The following RINT1 variants were observed in gnomAD, a reference collection of about 807,000 sequenced individuals.
The protein encoded by RINT1 is RAD50-interacting protein 1.
In RINT1, 75 loss-of-function variants were observed where a neutral mutation model predicts 97.7. That is an observed-to-expected ratio of 0.77 (90% CI 0.64 to 0.93). The LOEUF is 0.93. RINT1 is among the 40% of genes least tolerant of loss of function. The probability of loss-of-function intolerance (pLI) is 0.00; values close to 1 mark genes in which losing one functional copy is unlikely to be tolerated. For synonymous variants in RINT1, 303 were observed against 326.3 expected (o/e 0.93, Z 0.77); for missense variants, 892 against 925.2 (o/e 0.96, Z 0.47).
intron 3 of RINT1, among the ~76,000 whole-genome samples, chr7:105,538,717 C>T (rs1411775627): frequency 2.0e-5 from 3 of 152,186 alleles, no homozygotes; most frequent in Non-Finnish European, 4.4e-5. Flanking sequence ...AAATAGAAGC[C>T]TAGCATGAAT....
chr7:105,546,828 T>G, intron 4 of RINT1, 82 bp from the exon 5 acceptor site: 1 of 975,806 alleles, frequency 1.0e-6, no homozygotes, highest in Non-Finnish European at 1.5e-6. Flanking sequence ...TTGAGCCAAA[T>G]CATGCCACTG....
At chr7:105,554,322 C>T (rs1011393422) in intron 10 of RINT1, among the ~76,000 whole-genome samples, 1 of 151,068 alleles carries the variant, frequency 6.6e-6, no homozygotes, top group Non-Finnish European at 1.5e-5. Flanking sequence ...TGTGAGCCAC[C>T]GTGCCCGGCC....
chr7:105,551,856 A>C (rs1790941730), intron 10 of RINT1, 149 bp downstream of exon 10: 3 of 536,496 alleles, frequency 5.6e-6, no homozygotes, highest in Non-Finnish European at 9.3e-6. Context: ...GCTTGAGCCC[A>C]GGAGTTCGAG....
chr7:105,542,511 A>G lies in RINT1; in HGVS notation c.377A>G (p.His126Arg), dbSNP rs1790499902. ...AATCAGTTTCTGGAGCAGGAAACTC[A>G]TCTCTTCAGCGCCATTAACAGCCAT... is the stretch of plus-strand genomic sequence containing the variant. ...FLNQFLEQET[H>R]LFSAINSHLL... Residue 126 changes from histidine to arginine, a missense_variant, in exon 4 of 15, where the codon CAT (histidine) becomes CGT (arginine). Coordinates refer to ENST00000257700, the MANE Select transcript of RINT1 (RefSeq NM_021930.6). The G allele has an allele frequency of 6.2e-7, 1 of 1,614,180 alleles. No homozygotes were observed. Among genetic ancestry groups the G allele is most frequent in the African/African-American group, 1.3e-5 (1 of 75,056 alleles).
chr7:105,564,061 T>C, intron 12 of RINT1, 114 bp downstream of exon 12: 1 of 690,314 alleles, frequency 1.4e-6, no homozygotes, highest in Non-Finnish European at 2.5e-6. Flanking sequence ...TGTACTTTAT[T>C]GTTGATGGAA....
intron 11 of RINT1, among the ~76,000 whole-genome samples, chr7:105,560,445 A>AAGAT (rs1161879374): frequency 6.6e-6 from 1 of 152,172 alleles, no homozygotes; most frequent in Non-Finnish European, 1.5e-5. Flanking sequence ...GCCATGCAAA[A>AAGAT]AGATATGGGG....
At chr7:105,550,611 TTC>T in intron 9 of RINT1, 125 bp downstream of exon 9, 1 of 680,834 alleles carries the variant, frequency 1.5e-6, no homozygotes, top group South Asian at 1.9e-5. Flanking sequence ...TTTCAGGGTT[TTC>T]TGTTTCCTTC....
At chr7:105,541,233 G>A (rs962901824) in intron 3 of RINT1, among the ~76,000 whole-genome samples, 1 of 151,202 alleles carries the variant, frequency 6.6e-6, no homozygotes, top group African/African-American at 2.4e-5. Flanking sequence ...ACCTCCTCCC[G>A]GTTCAAGTGA....
intron 11 of RINT1, among the ~76,000 whole-genome samples, chr7:105,558,189 G>C (rs559665905): frequency 6.6e-6 from 1 of 151,642 alleles, no homozygotes; most frequent in Admixed American, 6.6e-5. Flanking sequence ...CAGCTACTCA[G>C]GAGGCTGAGG....
At position 105,542,496 on chromosome 7, in the gene RINT1, T is replaced by C. The variant is rs1790498920; in HGVS notation, c.362T>C (p.Leu121Pro). The C allele has an allele frequency of 6.2e-7, 1 of 1,613,854 alleles. No homozygotes were observed. Among genetic ancestry groups the C allele is most frequent in the Non-Finnish European group, 8.5e-7 (1 of 1,179,858 alleles). The change falls in exon 4 of 15, where the codon CTG (leucine) becomes CCG (proline). Residue 121 changes from leucine (L) to proline (P), a missense_variant. Leu to Pro is a moderately conservative substitution (Grantham distance 98). Coordinates refer to ENST00000257700, the MANE Select transcript of RINT1 (RefSeq NM_021930.6). The part of the protein sequence containing the change: ...EESKQFLNQF[L>P]EQETHLFSAI... ...TCAAAGCAATTTCTTAATCAGTTTC[T>C]GGAGCAGGAAACTCATCTCTTCAGC... is the stretch of plus-strand genomic sequence containing the variant.
At chr7:105,539,001 A>G (rs1162083308) in intron 3 of RINT1, among the ~76,000 whole-genome samples, 2 of 152,216 alleles carry the variant, frequency 1.3e-5, no homozygotes, top group East Asian at 1.9e-4. Flanking sequence ...TTTAGCAGGT[A>G]TTAGTTCTTT....
chr7:105,563,948 G>T lies in RINT1; in HGVS notation c.1886+1G>T. 1.2e-6 allele frequency: 2 copies of T among 1,609,136 alleles called. No homozygotes were observed. Among genetic ancestry groups the T allele is most frequent in the African/African-American group, 1.3e-5 (1 of 74,896 alleles). ...CTGCAAAATTGTATAAAAAAGAAAG[G>T]TATGTCCTCTATGTAAGTCAGCTCT... On this transcript the variant is annotated splice_donor_variant, in intron 12 of 14. Coordinates refer to ENST00000257700, the MANE Select transcript of RINT1 (RefSeq NM_021930.6). LOFTEE classifies it high-confidence loss of function.
chr7:105,564,851 G>C (rs1305686456), intron 12 of RINT1, among the ~76,000 whole-genome samples: 1 of 151,850 alleles, frequency 6.6e-6, no homozygotes, highest in Non-Finnish European at 1.5e-5. Flanking sequence ...AAAATTCAAA[G>C]ATTAGCTGGG....
chr7:105,551,457 G>C (rs1394449542), intron 9 of RINT1, 113 bp from the exon 10 acceptor site: 2 of 880,042 alleles, frequency 2.3e-6, no homozygotes, highest in African/African-American at 3.4e-5. Context: ...GTGGGATATT[G>C]TAGGTTTGTT....
At chr7:105,564,635 G>C (rs1445542679) in intron 12 of RINT1, among the ~76,000 whole-genome samples, 1 of 152,182 alleles carries the variant, frequency 6.6e-6, no homozygotes, top group Admixed American at 6.5e-5. Flanking sequence ...CACACAGAGT[G>C]CTTAAAATTC....
intron 1 of RINT1, 41 bp downstream of exon 1, chr7:105,532,398 C>A: frequency 6.3e-7 from 1 of 1,583,010 alleles, no homozygotes; most frequent in Non-Finnish European, 8.6e-7. Flanking sequence ...ACATTGGTGG[C>A]CCATTGAGGT....
intron 12 of RINT1, 25 bp downstream of exon 12, chr7:105,563,972 C>G (rs1243513292): frequency 2.0e-6 from 3 of 1,522,598 alleles, no homozygotes; most frequent in Non-Finnish European, 2.7e-6. Context: ...TAAGTCAGCT[C>G]TTAACACCAG....
intron 3 of RINT1, among the ~76,000 whole-genome samples, chr7:105,538,323 A>G (rs1790327872): frequency 6.6e-6 from 1 of 152,170 alleles, no homozygotes; most frequent in African/African-American, 2.4e-5. Context: ...TAGCTACTAA[A>G]TTAGGTTAAG....
chr7:105,559,822 A>C (rs1484604117), intron 11 of RINT1, among the ~76,000 whole-genome samples: 1 of 152,270 alleles, frequency 6.6e-6, no homozygotes, highest in Non-Finnish European at 1.5e-5. Context: ...CTGTATAAGT[A>C]AAAATTATTA....
Sources: gnomAD v4.1 joint callset for allele counts (sites outside exome capture counted in the v4.1 genomes callset) on GRCh38, gnomAD v4.1.1 for gene constraint, MANE v1.5 for transcripts, NCBI Gene and HGNC (gene_info 2026-07-23, HGNC 2026-07-21) for gene names.